The following PPIG variants were observed in gnomAD, a reference collection of about 807,000 sequenced individuals.
The protein encoded by PPIG is peptidyl-prolyl cis-trans isomerase G.
Under a neutral mutation model 87.9 loss-of-function variants are expected in PPIG, and 26 were observed. The ratio of observed to expected loss-of-function variants is 0.30; its 90% CI spans 0.22 to 0.41. The LOEUF (loss-of-function observed/expected upper bound fraction) is 0.41. PPIG is among the 10% of genes least tolerant of loss of function. The pLI is 1.00. For synonymous variants in PPIG, 308 were observed against 276.5 expected (o/e 1.11, Z -1.13); for missense variants, 722 against 879.4 (o/e 0.82, Z 2.26).
chr2:169,590,454 C>A (rs1283602352), intron 1 of PPIG, among the ~76,000 whole-genome samples: 1 of 152,134 alleles, frequency 6.6e-6, no homozygotes, highest in African/African-American at 2.4e-5. Context: ...TCCTAGCTAA[C>A]ACGGTGAAAC....
At chr2:169,631,394 A>G (rs1454716538) in intron 10 of PPIG, 4 of 291,160 alleles carry the variant, frequency 1.4e-5, no homozygotes, top group Non-Finnish European at 2.4e-5. Flanking sequence ...TTTGCTTGAA[A>G]TAATCTGTGT....
intron 9 of PPIG, among the ~76,000 whole-genome samples, chr2:169,628,869 C>A (rs1305277777): frequency 6.8e-6 from 1 of 148,058 alleles, no homozygotes; most frequent in Non-Finnish European, 1.5e-5. Flanking sequence ...TCACTTGAGC[C>A]CGGAAGGTCA....
chr2:169,639,924 C>CA lies in PPIG; in HGVS notation c.*2404dup, dbSNP rs1476273289. 6.6e-6 allele frequency: 1 copy of CA among 152,034 alleles called. No individual in the cohort carries two copies. The highest frequency in any genetic ancestry group is 6.6e-5 in the Admixed American group (1 of 15,260). The allele number at this position is 152,034 out of a possible 1,614,324, so 9.4% of individuals were successfully genotyped here. A position where few individuals can be genotyped will look rare whatever the true frequency, so the allele number is the denominator to read the frequency against. The stretch of plus-strand genomic sequence containing the variant: ...TTATGTCTAAATTTATGGTTCATGT[C>CA]AAAGTATTTTTGACTTAATATCCTT... On this transcript the variant is annotated 3_prime_UTR_variant, in exon 14 of 14. Transcript: ENST00000260970.
chr2:169,636,588 A>G lies in PPIG; in HGVS notation c.1330A>G (p.Lys444Glu). Residue 444 changes from lysine (K) to glutamate (E), a missense_variant, in exon 14 of 14, where the codon AAA becomes GAA. Lys to Glu is a moderately conservative substitution (Grantham distance 56, BLOSUM62 1). This residue lies in a region of PPIG where 476 missense variants were observed against 483.1 expected (regional missense o/e 0.99). Transcript: ENST00000260970. ...GAGAGACATCAGAAGAAATTCAGAA[A>G]AAGATGACAAGTATAAAAACAAAGT... ...KERDIRRNSE[K>E]DDKYKNKVKK... is the part of the protein sequence containing the mutation. 1 of 1,597,990 alleles carries G rather than the reference A, an allele frequency of 6.3e-7. No individual in the cohort carries two copies. The highest frequency in any genetic ancestry group is 1.4e-5 in the African/African-American group (1 of 73,686).
intron 7 of PPIG, among the ~76,000 whole-genome samples, chr2:169,611,757 C>T (rs979874750): frequency 8.6e-5 from 13 of 152,024 alleles, no homozygotes; most frequent in African/African-American, 2.9e-4. Flanking sequence ...TATAATCCTT[C>T]ATATATATAT....
At chr2:169,625,116 C>T (rs1352989870) in intron 9 of PPIG, among the ~76,000 whole-genome samples, 1 of 152,234 alleles carries the variant, frequency 6.6e-6, no homozygotes, top group Middle Eastern at 3.4e-3. Context: ...TTTATTATCT[C>T]AGGAATTTTG....
intron 4 of PPIG, 93 bp from the exon 5 acceptor site, chr2:169,605,946 C>T: frequency 3.8e-6 from 3 of 797,550 alleles, no homozygotes; most frequent in South Asian, 1.7e-5. Context: ...TTTAAGTCTG[C>T]AGGGTTCAAG....
intron 7 of PPIG, among the ~76,000 whole-genome samples, chr2:169,610,145 G>T (rs1208010177): frequency 1.3e-5 from 2 of 152,172 alleles, no homozygotes; most frequent in African/African-American, 2.4e-5. Flanking sequence ...GTACCATGTG[G>T]ATTATTCTGT....
rs1287557297 is a variant in PPIG at position 169,637,745 on chromosome 2, CTT to C, written c.*224_*225del. 16 of 474,750 alleles carry C rather than the reference CTT, an allele frequency of 3.4e-5. No homozygotes were observed. Among genetic ancestry groups the C allele is most frequent in the African/African-American group, 6.0e-5 (3 of 50,316 alleles). 29.4% of individuals were successfully genotyped at this position (474,750 alleles called of 1,614,324 possible). A position where few individuals can be genotyped will look rare whatever the true frequency, so the allele number is the denominator to read the frequency against. ...TAATAAACTCGACATGAGAAAAACACTTTGGTGTAGTACTGTGTGCTGTGTTT... is the reference window on the plus strand; with the variant it reads ...TAATAAACTCGACATGAGAAAAACACTGGTGTAGTACTGTGTGCTGTGTTT... On this transcript the variant is annotated 3_prime_UTR_variant, in exon 14 of 14. Transcript: ENST00000260970.
intron 7 of PPIG, among the ~76,000 whole-genome samples, chr2:169,611,398 T>C (rs766008481): frequency 6.6e-6 from 1 of 151,974 alleles, no homozygotes; most frequent in Non-Finnish European, 1.5e-5. Flanking sequence ...TATTAGCTTT[T>C]TAATGGCTAC....
At chr2:169,621,837 A>G (rs1250858826) in intron 9 of PPIG, among the ~76,000 whole-genome samples, 2 of 151,792 alleles carry the variant, frequency 1.3e-5, no homozygotes, top group African/African-American at 4.8e-5. Context: ...GACACCTGTA[A>G]TCCCAGCACT....
At chr2:169,610,708 C>T (rs757467894) in intron 7 of PPIG, among the ~76,000 whole-genome samples, 3 of 152,044 alleles carry the variant, frequency 2.0e-5, no homozygotes, top group Non-Finnish European at 2.9e-5. Flanking sequence ...CATTTTCTCA[C>T]TTTCCCTTTC....
intron 1 of PPIG, among the ~76,000 whole-genome samples, chr2:169,596,364 C>T (rs1300286140): frequency 6.6e-6 from 1 of 152,106 alleles, no homozygotes; most frequent in Non-Finnish European, 1.5e-5. Context: ...CTCAGCCTCC[C>T]AAAGTGCTGG....
Position 169,637,710 on chromosome 2 carries a change from G to A in PPIG, c.*187G>A, listed in dbSNP as rs1422852658. ...ATCTGCAATCTGGATAATTTGTACT[G>A]CTAAAGTTTTAATAAACTCGACATG... On this transcript the variant is annotated 3_prime_UTR_variant, in exon 14 of 14. Transcript: ENST00000260970. 2 of 586,184 alleles carry A rather than the reference G, an allele frequency of 3.4e-6. No homozygotes were observed. The highest frequency in any genetic ancestry group is 3.2e-5 in the East Asian group (1 of 31,740). 36.3% of individuals were successfully genotyped at this position (586,184 alleles called of 1,614,324 possible).
intron 7 of PPIG, among the ~76,000 whole-genome samples, chr2:169,611,617 GAT>G (rs1365977446): frequency 6.6e-6 from 1 of 152,112 alleles, no homozygotes; most frequent in African/African-American, 2.4e-5. Context: ...AAAAGGAAAG[GAT>G]AGTTTACTGT....
At chr2:169,614,348 A>G (rs1170017939) in intron 7 of PPIG, 116 bp from the exon 8 acceptor site, 2 of 926,198 alleles carry the variant, frequency 2.2e-6, no homozygotes, top group Non-Finnish European at 3.4e-6. Context: ...ATAGCAGTTG[A>G]TGTCTTTGTT....
chr2:169,613,514 A>G (rs1485793985), intron 7 of PPIG, among the ~76,000 whole-genome samples: 1 of 152,206 alleles, frequency 6.6e-6, no homozygotes, highest in Non-Finnish European at 1.5e-5. Flanking sequence ...TTTTACCTAC[A>G]TAGCTTTAAG....
At position 169,633,186 on chromosome 2, in the gene PPIG, C is replaced by T. The variant is rs1433669023; in HGVS notation, c.956C>T (p.Ser319Leu). ...AATCCACCTAACTCCCAGCCTGCTT[C>T]ATACCAGAGACGACTTTTAGTTACT... ...ECNPPNSQPA[S>L]YQRRLLVTRS... The change falls in exon 12 of 14, where the codon TCA becomes TTA. Residue 319 changes from serine (S) to leucine (L), a missense_variant. Physicochemically the swap from Ser to Leu is moderately radical, Grantham distance 145 (BLOSUM62 -2). Transcript: ENST00000260970. The T allele has an allele frequency of 6.2e-7, 1 of 1,610,700 alleles. No individual in the cohort carries two copies. Among genetic ancestry groups the T allele is most frequent in the Admixed American group, 1.7e-5 (1 of 59,974 alleles).
At chr2:169,621,951 T>A (rs968952434) in intron 9 of PPIG, among the ~76,000 whole-genome samples, 24 of 138,356 alleles carry the variant, frequency 1.7e-4, no homozygotes, top group Non-Finnish European at 2.5e-4. Flanking sequence ...AATTTTTTTT[T>A]AATTAACCAT....
Sources: allele counts gnomAD v4.1 joint callset (sites outside exome capture counted in the v4.1 genomes callset), GRCh38; gene constraint gnomAD v4.1.1; regional missense constraint gnomAD v4.1.1; transcripts MANE v1.5; gene names NCBI Gene and HGNC (gene_info 2026-07-23, HGNC 2026-07-21).